Variants in FANCA observed in about 807,000 individuals in gnomAD.
FANCA encodes the protein FA complementation group A, also known as Fanconi anemia group A protein.
In FANCA, 236 loss-of-function variants were observed where a neutral mutation model predicts 194.3. The ratio of observed to expected loss-of-function variants is 1.21; its 90% CI spans 1.09 to 1.35. The LOEUF is 1.35. Ranked by LOEUF, FANCA falls within the 40% of genes most tolerant of loss-of-function variation. The pLI is 0.00. For missense variants in FANCA, 2,628 were observed against 1,813.9 expected, an observed-to-expected ratio of 1.45 and a Z score of -8.15; for synonymous variants, 1,014 against 715.8, an observed-to-expected ratio of 1.42 and a Z score of -6.65.
intron 5 of FANCA, among the ~76,000 whole-genome samples, chr16:89,808,966 C>A (rs947775580): frequency 6.6e-6 from 1 of 151,604 alleles, no homozygotes; most frequent in Non-Finnish European, 1.5e-5. Context: ...AGTGCAGTGG[C>A]GCCATCTCGG....
chr16:89,740,039 TCTCTA>T lies in FANCA; in HGVS notation c.3884_3888del (p.Leu1295Ter), dbSNP rs2062089154. 1 of 1,614,044 alleles carries T rather than the reference TCTCTA, an allele frequency of 6.2e-7. No homozygotes were observed. ...AGTGCCAGCCAGGATATCTTCCTCT[TCTCTA>T]AACACTCGAGGATTGCTGCACAAAC... On this transcript the variant is annotated frameshift_variant, in exon 39 of 43. Coordinates refer to ENST00000389301, the MANE Select transcript of FANCA (RefSeq NM_000135.4). LOFTEE classifies it high-confidence loss of function.
intron 7 of FANCA, among the ~76,000 whole-genome samples, chr16:89,804,837 G>C (rs1329405753): frequency 6.6e-6 from 1 of 152,050 alleles, no homozygotes; most frequent in Non-Finnish European, 1.5e-5. Flanking sequence ...TTCAAGAGCA[G>C]CCTGGCCAAC....
chr16:89,814,990 T>G (rs1363826226), intron 2 of FANCA, among the ~76,000 whole-genome samples: 1 of 152,166 alleles, frequency 6.6e-6, no homozygotes, highest in Admixed American at 6.5e-5. Flanking sequence ...ATTCAAGATC[T>G]GTGCATAAAC....
At chr16:89,807,685 C>T (rs2040710754) in intron 6 of FANCA, among the ~76,000 whole-genome samples, 2 of 151,486 alleles carry the variant, frequency 1.3e-5, no homozygotes, top group African/African-American at 4.9e-5. Flanking sequence ...GAGATGGAGC[C>T]CATCCTGGCT....
chr16:89,771,155 C>CAAAAAA (rs34471552), intron 23 of FANCA, among the ~76,000 whole-genome samples: 6 of 56,644 alleles, frequency 1.1e-4, no homozygotes, highest in African/African-American at 2.9e-4. Flanking sequence ...AAGACTCAGT[C>CAAAAAA]AAAAAAAAAA....
At chr16:89,762,854 G>A in intron 28 of FANCA, 2 of 393,076 alleles carry the variant, frequency 5.1e-6, no homozygotes, top group South Asian at 3.6e-5. Context: ...TGTAATCCCA[G>A]CACTTTGGGA....
chr16:89,743,334 G>A (rs561938351), intron 36 of FANCA, among the ~76,000 whole-genome samples: 2 of 152,342 alleles, frequency 1.3e-5, no homozygotes, highest in African/African-American at 2.4e-5. Flanking sequence ...CCTGGCTCTG[G>A]CCCCAGTGTG....
chr16:89,739,956 G>A (rs569043377), intron 39 of FANCA, 38 bp downstream of exon 39: 40 of 1,611,520 alleles, frequency 2.5e-5, no homozygotes, highest in Admixed American at 6.7e-5. Context: ...TGAAAAGAGC[G>A]GCCCTCCGCA....
At chr16:89,804,530 C>T (rs1049861253) in intron 7 of FANCA, among the ~76,000 whole-genome samples, 3 of 152,042 alleles carry the variant, frequency 2.0e-5, no homozygotes, top group African/African-American at 4.8e-5. Context: ...CTCTGACAAG[C>T]CCAACTACTC....
intron 29 of FANCA, among the ~76,000 whole-genome samples, 166 bp downstream of exon 29, chr16:89,761,783 C>T (rs537252155): frequency 3.9e-5 from 6 of 152,222 alleles, no homozygotes; most frequent in African/African-American, 1.2e-4. Flanking sequence ...GCCGCATGTC[C>T]GGCTAATTTC....
At position 89,782,902 on chromosome 16, in the gene FANCA, A is replaced by G. The variant is rs759040907; in HGVS notation, c.1583T>C (p.Met528Thr). 6.2e-7 allele frequency: 1 copy of G among 1,614,144 alleles called. No homozygotes were observed. Among genetic ancestry groups the G allele is most frequent in the Non-Finnish European group, 8.5e-7 (1 of 1,179,966 alleles). ...TGATGACAAATCCTCGTAGAGTCCC[A>G]TGTTTTCTATAGAAACCTTCAGGGA... ...LADLKVSIEN[M>T]GLYEDLSSAG... Residue 528 changes from methionine to threonine, a missense_variant, in exon 17 of 43, where the codon ATG (methionine) becomes ACG (threonine). By Grantham distance (81) the Met-to-Thr change is moderately conservative. Coordinates refer to ENST00000389301, the MANE Select transcript of FANCA (RefSeq NM_000135.4).
chr16:89,793,001 C>A (rs1162501405), intron 11 of FANCA, among the ~76,000 whole-genome samples: 1 of 152,166 alleles, frequency 6.6e-6, no homozygotes, highest in African/African-American at 2.4e-5. Context: ...AAGGCAGAGC[C>A]AGGTGTACAG....
At chr16:89,768,887 T>C (rs557029438) in intron 26 of FANCA, among the ~76,000 whole-genome samples, 58 of 150,512 alleles carry the variant, frequency 3.9e-4, no homozygotes, top group African/African-American at 1.4e-3. Context: ...ACTTCTCCAT[T>C]GGCTGTGTGC....
At chr16:89,761,731 G>T in intron 29 of FANCA, among the ~76,000 whole-genome samples, 1 of 152,074 alleles carries the variant, frequency 6.6e-6, no homozygotes, top group Non-Finnish European at 1.5e-5. Flanking sequence ...CTCAAGCAAT[G>T]CTCCTGCTCA....
intron 11 of FANCA, 149 bp downstream of exon 11, chr16:89,795,757 C>T: frequency 1.5e-6 from 1 of 685,322 alleles, no homozygotes; most frequent in Non-Finnish European, 2.7e-6. Context: ...GTAACAATCT[C>T]AGGCATCTGA....
intron 22 of FANCA, among the ~76,000 whole-genome samples, chr16:89,772,611 T>C (rs899112321): frequency 1.3e-5 from 2 of 152,076 alleles, no homozygotes; most frequent in Non-Finnish European, 2.9e-5. Context: ...GAGGTCAGGA[T>C]TTCAAAACCA....
At chr16:89,778,730 A>C in intron 20 of FANCA, 71 bp downstream of exon 20, 1 of 1,433,874 alleles carries the variant, frequency 7.0e-7, no homozygotes, top group Non-Finnish European at 9.8e-7. Flanking sequence ...TCTCTACAGA[A>C]GATCCACAAT....
At position 89,791,177 on chromosome 16, in the gene FANCA, A is replaced by C. The variant is rs1598151283; in HGVS notation, c.1359+226T>G. ...AAGGAGCTGAGGCCCCGACAGGGAG[A>C]ACCCAGGCTCCTCGGAACATGCAGA... On this transcript the variant is annotated intron_variant, in intron 14 of 42. Coordinates refer to ENST00000389301, the MANE Select transcript of FANCA (RefSeq NM_000135.4). 11 of 602,094 alleles carry C rather than the reference A, an allele frequency of 1.8e-5. No homozygotes were observed. In the East Asian group the frequency reaches 3.1e-4, roughly 17 times the overall value. The allele number at this position is 602,094 out of a possible 1,614,324, so 37.3% of individuals were successfully genotyped here. A position where few individuals can be genotyped will look rare whatever the true frequency, so the allele number is the denominator to read the frequency against.
At chr16:89,752,492 A>T (rs1018836696) in intron 30 of FANCA, among the ~76,000 whole-genome samples, 1 of 152,284 alleles carries the variant, frequency 6.6e-6, no homozygotes, top group African/African-American at 2.4e-5. Flanking sequence ...GGCAAGAGAC[A>T]GAGGACACGA....
Sources: gnomAD v4.1 joint callset for allele counts (sites outside exome capture counted in the v4.1 genomes callset) on GRCh38, gnomAD v4.1.1 for gene constraint, MANE v1.5 for transcripts, NCBI Gene and HGNC (gene_info 2026-07-23, HGNC 2026-07-21) for gene names.